Variants in NBPF15 observed in about 807,000 individuals in gnomAD.
NBPF15 encodes the protein NBPF member 15.
NBPF15 carries 74 observed loss-of-function variants against 62.2 expected under a neutral mutation model. That is an observed-to-expected ratio of 1.19 (90% confidence interval 0.99 to 1.44). The LOEUF (loss-of-function observed/expected upper bound fraction) is 1.44, where lower values mean the gene tolerates loss of function less well. NBPF15 is among the 40% of genes most tolerant of loss of function. The pLI, the probability that NBPF15 is intolerant of heterozygous loss-of-function variation, is 0.00. For missense variants in NBPF15, 790 were observed against 550.0 expected (o/e 1.44, Z -4.36); for synonymous variants, 244 against 209.7 (o/e 1.16, Z -1.41).
At position 144,438,067 on chromosome 1, in the gene NBPF15, C is replaced by A. The variant is rs1553541706; in HGVS notation, c.176-20G>T. The A allele has an allele frequency of 6.2e-7, 1 of 1,610,810 alleles. No homozygotes were observed. Among genetic ancestry groups the A allele is most frequent in the Admixed American group, 1.7e-5 (1 of 59,998 alleles). On this transcript the variant is annotated intron_variant, in intron 8 of 21. Coordinates refer to ENST00000581897, the MANE Select transcript of NBPF15 (RefSeq NM_001385408.1). ...CATATTCTGAGAAAAGACAGACACG[C>A]CTGCCTCAGTGGAAGGCTGGACATG... is the stretch of plus-strand genomic sequence containing the variant.
chr1:144,423,527 G>T (rs1445961625), intron 21 of NBPF15, among the ~76,000 whole-genome samples: 1 of 151,954 alleles, frequency 6.6e-6, no homozygotes, highest in Non-Finnish European at 1.5e-5. Context: ...ACTGGTAAGG[G>T]AGTAAAAGGA....
At position 144,426,356 on chromosome 1, in the gene NBPF15, G is replaced by A. The variant is rs1391761276; in HGVS notation, c.1360C>T (p.Pro454Ser). 2.4e-6 allele frequency: 2 copies of A among 845,286 alleles called. No individual in the cohort carries two copies. Among genetic ancestry groups the A allele is most frequent in the East Asian group, 2.4e-5 (1 of 41,228 alleles). 52.4% of individuals were successfully genotyped at this position (845,286 alleles called of 1,614,324 possible). Residue 454 changes from proline (P) to serine (S), a missense_variant, in exon 18 of 22, where the codon CCT (proline) becomes TCT (serine). Pro to Ser is a moderately conservative substitution (Grantham distance 74). Coordinates refer to ENST00000581897, the MANE Select transcript of NBPF15 (RefSeq NM_001385408.1). ...YSTPSDYLEL[P>S]DLGQPYSSAV... ...CTGCTGTAGGGCTGGCCTAAGTCAG[G>A]CAGTTCAAGATAATCTGAAGGAGTC... is the stretch of plus-strand genomic sequence containing the variant.
At chr1:144,427,022 A>C (rs1670236817) in intron 17 of NBPF15, 25 bp downstream of exon 17, 1 of 761,054 alleles carries the variant, frequency 1.3e-6, no homozygotes, top group Admixed American at 1.7e-5. Context: ...CACACAATTA[A>C]GCATCCATAA....
chr1:144,445,264 GTATATGTATATATA>G (rs1322260889), intron 6 of NBPF15, among the ~76,000 whole-genome samples: 26 of 87,874 alleles, frequency 3.0e-4, no homozygotes, highest in Admixed American at 1.7e-3. Context: ...GTGTGTGTCT[GTATATGTATATATA>G]TATATATATA....
intron 14 of NBPF15, among the ~76,000 whole-genome samples, chr1:144,429,394 G>T (rs1449911845): frequency 6.7e-6 from 1 of 149,698 alleles, no homozygotes. Flanking sequence ...CTGACAGACA[G>T]CTCCTGGGCA....
intron 8 of NBPF15, 149 bp downstream of exon 8, chr1:144,439,680 A>T: frequency 1.5e-6 from 1 of 682,250 alleles, no homozygotes; most frequent in East Asian, 2.6e-5. Context: ...CTGTCTTCCA[A>T]CTTTAACAAA....
chr1:144,430,955 C>T (rs1328932619), intron 13 of NBPF15, among the ~76,000 whole-genome samples: 2 of 151,886 alleles, frequency 1.3e-5, no homozygotes, highest in African/African-American at 4.8e-5. Context: ...CCAATTCGAT[C>T]AAGTGCAAGA....
chr1:144,451,570 C>A (rs1477464870), intron 4 of NBPF15, among the ~76,000 whole-genome samples: 2 of 151,938 alleles, frequency 1.3e-5, no homozygotes, highest in African/African-American at 4.8e-5. Context: ...CTGCAGTCTT[C>A]CGCAGTGTAG....
chr1:144,426,501 C>A (rs1553539293), intron 17 of NBPF15, 51 bp from the exon 18 acceptor site: 1 of 791,734 alleles, frequency 1.3e-6, no homozygotes, highest in South Asian at 1.3e-5. Context: ...TCAGAAACCA[C>A]ACAGCCCCAG....
Position 144,424,790 on chromosome 1 carries a change from A to T in NBPF15, c.1563T>A (p.Thr521=). 1 of 590,718 alleles carries T rather than the reference A, an allele frequency of 1.7e-6. No individual in the cohort carries two copies. The highest frequency in any genetic ancestry group is 2.0e-5 in the South Asian group (1 of 49,314). 36.6% of individuals were successfully genotyped at this position (590,718 alleles called of 1,614,324 possible). A position where few individuals can be genotyped will look rare whatever the true frequency, so the allele number is the denominator to read the frequency against. The change falls in exon 20 of 22, where the codon ACT becomes ACA. Residue 521 remains threonine (T), a synonymous_variant. Coordinates refer to ENST00000581897, the MANE Select transcript of NBPF15 (RefSeq NM_001385408.1). ...LQDSLDRCYS[T]PSSCLEQPDS... Reference sequence around the variant, plus strand: ...CAGGCTGTTCAAGACAACTGGAAGGAGTTGAATAACATCTATCCAGTGAGT... The same window carrying T: ...CAGGCTGTTCAAGACAACTGGAAGGTGTTGAATAACATCTATCCAGTGAGT...
chr1:144,433,259 C>A (rs9438156), intron 13 of NBPF15, among the ~76,000 whole-genome samples: 1 of 151,926 alleles, frequency 6.6e-6, no homozygotes, highest in Non-Finnish European at 1.5e-5. Flanking sequence ...CCAATGAGAA[C>A]AAAGACACAA....
intron 19 of NBPF15, among the ~76,000 whole-genome samples, chr1:144,425,093 C>CAG (rs1445224399): frequency 2.1e-4 from 29 of 136,776 alleles, no homozygotes; most frequent in East Asian, 6.6e-4. Context: ...CACACACACA[C>CAG]ACACACACAC....
intron 8 of NBPF15, among the ~76,000 whole-genome samples, 170 bp downstream of exon 8, chr1:144,439,659 C>A (rs1681376353): frequency 1.4e-5 from 2 of 147,710 alleles, no homozygotes; most frequent in African/African-American, 2.5e-5. Context: ...TTGCTAAATA[C>A]TTTGGTACCT....
rs1553538586 is a variant in NBPF15 at position 144,423,217 on chromosome 1, G to A, written c.1809C>T (p.Val603=). ...AACATCTATCCAGTGAGTCCTGTAA[G>A]ACTTCAGGCTCTTCCACTTCCATCA... ...GVLMEVEEPE[V]LQDSLDRCYS... Residue 603 remains valine (V), a synonymous_variant, in exon 22 of 22, where the codon GTC becomes GTT. Coordinates refer to ENST00000581897, the MANE Select transcript of NBPF15 (RefSeq NM_001385408.1). 6.2e-7 allele frequency: 1 copy of A among 1,611,478 alleles called. No individual in the cohort carries two copies. Among genetic ancestry groups the A allele is most frequent in the African/African-American group, 1.3e-5 (1 of 74,774 alleles).
intron 12 of NBPF15, among the ~76,000 whole-genome samples, chr1:144,434,858 A>G (rs1417891129): frequency 2.0e-5 from 3 of 152,034 alleles, no homozygotes; most frequent in Admixed American, 2.0e-4. Context: ...CCTGACAGAT[A>G]TGGCCTGTGC....
intron 6 of NBPF15, among the ~76,000 whole-genome samples, chr1:144,441,377 T>C (rs1190224777): frequency 1.3e-5 from 2 of 151,954 alleles, no homozygotes; most frequent in Non-Finnish European, 2.9e-5. Flanking sequence ...TGTAGTGATA[T>C]CCTAAAATTT....
At position 144,436,958 on chromosome 1, in the gene NBPF15, G is replaced by A. The variant is rs1448744291; in HGVS notation, c.430C>T (p.Leu144Phe). ...DEPDKSQGQD[L>F]QEQLAEGCRL... ...CACCCCTCAGCCAGCTGTTCTTGGA[G>A]GTCCTGCCCCTGGGACTTGTCCGGC... The change falls in exon 10 of 22, where the codon CTC (leucine) becomes TTC (phenylalanine). Residue 144 changes from leucine to phenylalanine, a missense_variant. Transcript: ENST00000581897. 2 of 1,611,934 alleles carry A rather than the reference G, an allele frequency of 1.2e-6. No homozygotes were observed. The highest frequency in any genetic ancestry group is 1.7e-6 in the Non-Finnish European group (2 of 1,179,618).
At chr1:144,424,116 C>G in intron 20 of NBPF15, 141 bp from the exon 21 acceptor site, 1 of 736,394 alleles carries the variant, frequency 1.4e-6, no homozygotes, top group Non-Finnish European at 2.5e-6. Flanking sequence ...TTCAGGAGGT[C>G]TGAAGGCTGG....
intron 4 of NBPF15, among the ~76,000 whole-genome samples, chr1:144,453,250 C>T (rs587725190): frequency 6.6e-6 from 1 of 150,880 alleles, no homozygotes; most frequent in Non-Finnish European, 1.5e-5. Flanking sequence ...ATAGCCTTTC[C>T]AACTAGTGGT....
Sources: gnomAD v4.1 joint callset for allele counts (sites outside exome capture counted in the v4.1 genomes callset) on GRCh38, gnomAD v4.1.1 for gene constraint, MANE v1.5 for transcripts, NCBI Gene and HGNC (gene_info 2026-07-23, HGNC 2026-07-21) for gene names.